RSF1: variants seen among roughly 807,000 people sequenced by gnomAD.
RSF1 encodes remodeling and spacing factor 1.
Under a neutral mutation model 145.2 loss-of-function variants are expected in RSF1, and 13 were observed. That is an observed-to-expected ratio of 0.09 (90% CI 0.06 to 0.14). The LOEUF is 0.14. Among genes scored for constraint, RSF1 ranks in the 10% least tolerant of loss-of-function variants. The pLI, the probability that RSF1 is intolerant of heterozygous loss-of-function variation, is 1.00. For synonymous variants in RSF1, 577 were observed against 592.6 expected (o/e 0.97, Z 0.38); for missense variants, 1,517 against 1,718.2 (o/e 0.88, Z 2.07).
the RSF1 span, among the ~76,000 whole-genome samples, chr11:77,827,635 T>G: frequency 1.2e-4 from 18 of 152,220 alleles, no homozygotes; most frequent in Non-Finnish European, 2.4e-4. Context: ...TCAGCCTGAT[T>G]AAGAGCATTA....
chr11:77,734,658 A>C, intron 4 of RSF1: 2 of 1,438,286 alleles, frequency 1.4e-6, no homozygotes, highest in South Asian at 1.1e-5. Context: ...CATTTTTGTC[A>C]GTGGCCAATT....
At chr11:77,728,478 C>G (rs1320507152) in intron 4 of RSF1, among the ~76,000 whole-genome samples, 1 of 151,054 alleles carries the variant, frequency 6.6e-6, no homozygotes, top group African/African-American at 2.4e-5. Flanking sequence ...AGATGGAGAC[C>G]AGCCTGACCA....
At position 77,662,954 on chromosome 11, in the gene RSF1, T is replaced by G. The variant is rs1350828313; in HGVS notation, c.*3963A>C. 6.6e-6 allele frequency: 1 copy of G among 152,138 alleles called. No homozygotes were observed. Among genetic ancestry groups the G allele is most frequent in the African/African-American group, 2.4e-5 (1 of 41,392 alleles). 9.4% of individuals were successfully genotyped at this position (152,138 alleles called of 1,614,324 possible). On this transcript the variant is annotated 3_prime_UTR_variant, in exon 16 of 16. Coordinates refer to ENST00000308488, the MANE Select transcript of RSF1 (RefSeq NM_016578.4). ...ATCTGTTGCAATGCAGCCATCTTAT[T>G]TCTTTCAAGTTAATGATGGATTCAT...
chr11:77,833,395 T>C, the RSF1 span, among the ~76,000 whole-genome samples: 3 of 152,188 alleles, frequency 2.0e-5, no homozygotes, highest in Non-Finnish European at 4.4e-5. Context: ...CATAAGGGAC[T>C]GTGCAACCTA....
chr11:77,763,499 C>T (rs1323103744), intron 2 of RSF1: 1 of 152,024 alleles, frequency 6.6e-6, no homozygotes, highest in Non-Finnish European at 1.5e-5. Flanking sequence ...AATGTGAGAC[C>T]AGACAAGTTA....
At chr11:77,685,749 G>A (rs1432374002) in intron 9 of RSF1, among the ~76,000 whole-genome samples, 1 of 152,162 alleles carries the variant, frequency 6.6e-6, no homozygotes, top group African/African-American at 2.4e-5. Context: ...TTCATCAAGA[G>A]TCATGCTGTG....
At position 77,761,236 on chromosome 11, in the gene RSF1, G is replaced by A. The variant is rs1590872056; in HGVS notation, c.279+3362C>T. On this transcript the variant is annotated intron_variant, in intron 2 of 15. Coordinates refer to ENST00000308488, the MANE Select transcript of RSF1 (RefSeq NM_016578.4). ...TTACAGGCGTGAGCCACCGCACCTG[G>A]CCACATTAGGTTATTTTCTACTTAA... Among the ~76,000 whole-genome samples, 4 of 152,166 alleles carry A rather than the reference G, an allele frequency of 2.6e-5. No homozygotes were observed. The South Asian group carries it at 8.3e-4, about 32-fold the overall frequency.
chr11:77,856,030 G>T, the RSF1 span, among the ~76,000 whole-genome samples: 1 of 152,102 alleles, frequency 6.6e-6, no homozygotes, highest in African/African-American at 2.4e-5. Context: ...GAGGTAGGGG[G>T]ATTCCTTGAG....
At chr11:77,833,539 C>T in the RSF1 span, among the ~76,000 whole-genome samples, 1 of 152,140 alleles carries the variant, frequency 6.6e-6, no homozygotes, top group African/African-American at 2.4e-5. Context: ...GACAAAGTAT[C>T]GCTCACTCAC....
upstream of RSF1, chr11:77,820,847 G>A (rs1948867752): frequency 2.2e-6 from 2 of 907,022 alleles, no homozygotes; most frequent in Non-Finnish European, 3.2e-6. Flanking sequence ...AGCGTCTCAG[G>A]GACGGCTCCG....
At chr11:77,766,783 T>C (rs1893901) in intron 1 of RSF1, among the ~76,000 whole-genome samples, 28,383 of 152,140 alleles carry the variant, frequency 0.19, 3,421 homozygotes, top group African/African-American at 0.33. Context: ...ACCTTAATGA[T>C]TGAATTGGAG....
chr11:77,830,725 A>G, the RSF1 span, among the ~76,000 whole-genome samples: 1 of 152,126 alleles, frequency 6.6e-6, no homozygotes, highest in African/African-American at 2.4e-5. Flanking sequence ...ACACATGTCA[A>G]TAATAAAAAA....
intron 1 of RSF1, among the ~76,000 whole-genome samples, chr11:77,819,414 G>A (rs1948816828): frequency 6.6e-6 from 1 of 152,250 alleles, no homozygotes; most frequent in South Asian, 2.1e-4. Context: ...GTGAAGGCTG[G>A]AGGCAGCAGG....
rs564645485 is a variant in RSF1 at position 77,701,792 on chromosome 11, A to T, written c.1437T>A (p.Asn479Lys). The T allele has an allele frequency of 6.2e-7, 1 of 1,613,926 alleles. No homozygotes were observed. Among genetic ancestry groups the T allele is most frequent in the African/African-American group, 1.3e-5 (1 of 75,008 alleles). ...EESYSPSKDR[N>K]IITEGNGTES... ...CTGTTCCATTTCCCTCCGTGATGAT[A>T]TTTCTGTCCTTAGAGGGGCTATAGC... The change falls in exon 6 of 16, where the codon AAT becomes AAA. Residue 479 changes from asparagine (N) to lysine (K), a missense_variant. Asn to Lys is a moderately conservative substitution (Grantham distance 94). Transcript: ENST00000308488.
At chr11:77,848,823 T>C in the RSF1 span, among the ~76,000 whole-genome samples, 1 of 152,152 alleles carries the variant, frequency 6.6e-6, no homozygotes, top group Non-Finnish European at 1.5e-5. Flanking sequence ...CACAACACTG[T>C]CTCCCAAGCT....
chr11:77,702,433 A>G lies in RSF1; in HGVS notation c.796T>C (p.Ser266Pro). The change falls in exon 6 of 16, where the codon TCT becomes CCT. Residue 266 changes from serine (S) to proline (P), a missense_variant. Ser to Pro is a moderately conservative substitution (Grantham distance 74). Transcript: ENST00000308488. ...EEQPMDLENR[S>P]TANVLEETTV... is the part of the protein sequence containing the mutation. ...GTCTCTTCTAGAACATTGGCTGTAGAACGGTTTTCTAAATCCATAGGCTGC... is the reference window on the plus strand; with the variant it reads ...GTCTCTTCTAGAACATTGGCTGTAGGACGGTTTTCTAAATCCATAGGCTGC... The G allele has an allele frequency of 6.3e-7, 1 of 1,582,340 alleles. No individual in the cohort carries two copies. The highest frequency in any genetic ancestry group is 1.2e-5 in the South Asian group (1 of 83,500).
At chr11:77,780,671 A>G (rs1488122877) in intron 1 of RSF1, among the ~76,000 whole-genome samples, 2 of 152,034 alleles carry the variant, frequency 1.3e-5, no homozygotes, top group Non-Finnish European at 2.9e-5. Context: ...CTAAAAATAC[A>G]AAAATTAGCC....
chr11:77,759,648 C>A (rs1415737310), intron 2 of RSF1, among the ~76,000 whole-genome samples: 2 of 152,144 alleles, frequency 1.3e-5, no homozygotes, highest in African/African-American at 4.8e-5. Flanking sequence ...TGTGCCACTG[C>A]ACTCACTCCA....
At chr11:77,709,466 C>T (rs909463594) in intron 5 of RSF1, among the ~76,000 whole-genome samples, 1 of 151,974 alleles carries the variant, frequency 6.6e-6, no homozygotes, top group African/African-American at 2.4e-5. Context: ...TGAAATATGA[C>T]AGGTGAAATA....
Sources: gnomAD v4.1 joint callset for allele counts (sites outside exome capture counted in the v4.1 genomes callset) on GRCh38, gnomAD v4.1.1 for gene constraint, MANE v1.5 for transcripts, NCBI Gene and HGNC (gene_info 2026-07-23, HGNC 2026-07-21) for gene names.